Variants in STON1 observed in about 807,000 individuals in gnomAD.
STON1 encodes stonin-1.
A neutral mutation model predicts 60.9 loss-of-function variants in STON1; 79 were observed. The ratio of observed to expected loss-of-function variants is 1.30; its 90% confidence interval spans 1.08 to 1.56. STON1 has a LOEUF of 1.56. Ranked by LOEUF, STON1 falls within the 40% of genes most tolerant of loss-of-function variation. The pLI is 0.00. For synonymous variants in STON1, 363 were observed against 306.9 expected (o/e 1.18, Z -1.91); for missense variants, 1,166 against 858.9 (o/e 1.36, Z -4.47).
rs1558604575 is a variant in STON1, at chr2:48,564,472, T to TC, written c.-47-16114dup. ...TTCTTCTTCTTCTTCTTCTTCTTCT[T>TC]CTTCTTCTTTCTTCTTCTTCTTCTT... On this transcript the variant is annotated intron_variant, in intron 1 of 3. Coordinates refer to ENST00000404752, the MANE Select transcript of STON1 (RefSeq NM_006873.4). Among the ~76,000 whole-genome samples, 60 of 53,200 alleles carry TC rather than the reference T, an allele frequency of 1.1e-3. 3 individuals carry two copies. The highest frequency in any genetic ancestry group is 3.7e-3 in the African/African-American group (51 of 13,682). The allele number at this position is 53,200 out of a possible 152,430, so 34.9% of individuals were successfully genotyped here.
chr2:48,595,017 A>AAG (rs1674720088), intron 3 of STON1, among the ~76,000 whole-genome samples: 2 of 152,072 alleles, frequency 1.3e-5, no homozygotes, highest in Non-Finnish European at 1.5e-5. Flanking sequence ...TGAAGACTTG[A>AAG]CCCTGGCGGG....
chr2:48,575,991 T>A (rs1324272298), intron 1 of STON1, among the ~76,000 whole-genome samples: 1 of 151,330 alleles, frequency 6.6e-6, no homozygotes, highest in Non-Finnish European at 1.5e-5. Flanking sequence ...CTCCTGGTCT[T>A]AGGTGATCCA....
Position 48,580,344 on chromosome 2 carries a change from C to G in STON1, c.-47-243C>G, listed in dbSNP as rs554020404. Among the ~76,000 whole-genome samples the G allele has an allele frequency of 2.6e-5, 4 of 152,316 alleles. No homozygotes were observed. The South Asian group carries it at 8.3e-4, about 32-fold the overall frequency. On this transcript the variant is annotated intron_variant, in intron 1 of 3. Coordinates refer to ENST00000404752, the MANE Select transcript of STON1 (RefSeq NM_006873.4). ...GCTTAAGCATGGCTACTCCTGCTCT[C>G]TCTTGGATAACATTTGCATGGAATA... is the stretch of plus-strand genomic sequence containing the variant.
intron 1 of STON1, among the ~76,000 whole-genome samples, chr2:48,557,284 C>T (rs1375323672): frequency 1.3e-5 from 1 of 76,708 alleles, no homozygotes; most frequent in Non-Finnish European, 2.7e-5. Flanking sequence ...AGACGCTCCT[C>T]ACCTCCCAGA....
chr2:48,574,066 T>G (rs948442248), intron 1 of STON1, among the ~76,000 whole-genome samples: 1 of 152,070 alleles, frequency 6.6e-6, no homozygotes, highest in Non-Finnish European at 1.5e-5. Context: ...GGGTTTATTA[T>G]TGGGATGAAA....
chr2:48,591,517 T>A, intron 2 of STON1, 136 bp from the exon 3 acceptor site: 1 of 1,217,982 alleles, frequency 8.2e-7, no homozygotes, highest in Non-Finnish European at 1.1e-6. Flanking sequence ...CATGGTATGT[T>A]GTTTAAATGG....
At chr2:48,562,436 C>A (rs1248423008) in intron 1 of STON1, among the ~76,000 whole-genome samples, 1 of 152,204 alleles carries the variant, frequency 6.6e-6, no homozygotes, top group African/African-American at 2.4e-5. Context: ...GATTTGAACA[C>A]CCTGCCCATA....
chr2:48,534,653 A>G (rs1172903226), intron 1 of STON1, among the ~76,000 whole-genome samples: 1 of 152,118 alleles, frequency 6.6e-6, no homozygotes, highest in African/African-American at 2.4e-5. Flanking sequence ...GCATGGTTGC[A>G]CATGCCTGAG....
Position 48,532,116 on chromosome 2 carries a change from G to A in STON1, c.-48+1900G>A, listed in dbSNP as rs1671234671. Among the ~76,000 whole-genome samples the A allele has an allele frequency of 2.0e-5, 3 of 152,148 alleles. No individual in the cohort carries two copies. In the South Asian group the frequency reaches 6.2e-4, roughly 32 times the overall value. On this transcript the variant is annotated intron_variant, in intron 1 of 3. Coordinates refer to ENST00000404752, the MANE Select transcript of STON1 (RefSeq NM_006873.4). ...TAATCCCAGCATTTTGGGAGGCCGG[G>A]GCGGGCAGATCACTTGAGGTCAGGA...
chr2:48,564,474 TTC>T (rs1473621726), intron 1 of STON1, among the ~76,000 whole-genome samples: 6 of 51,302 alleles, frequency 1.2e-4, no homozygotes, highest in Middle Eastern at 7.5e-3. Context: ...CTTCTTCTTC[TTC>T]TTCTTTCTTC....
In STON1 at chr2:48,581,591, A is replaced by G; in HGVS notation, c.958A>G (p.Lys320Glu). 1 of 1,614,246 alleles carries G rather than the reference A, an allele frequency of 6.2e-7. No individual in the cohort carries two copies. The highest frequency in any genetic ancestry group is 8.5e-7 in the Non-Finnish European group (1 of 1,180,046). ...TGAACAGGGATTAGAAAAACCATTT[A>G]AAGAGATACAGCTTGATCCATATTG... ...YYEQGLEKPFKEIQLDPYCRL... is the reference protein window; with the variant it reads ...YYEQGLEKPFEEIQLDPYCRL... Residue 320 changes from lysine to glutamate, a missense_variant, in exon 2 of 4, where the codon AAA becomes GAA. Lys to Glu is a moderately conservative substitution (Grantham distance 56, BLOSUM62 1). Transcript: ENST00000404752.
intron 1 of STON1, among the ~76,000 whole-genome samples, chr2:48,550,896 G>T (rs1395376304): frequency 6.6e-6 from 1 of 151,938 alleles, no homozygotes; most frequent in Non-Finnish European, 1.5e-5. Context: ...AATTCAACTT[G>T]AGTCCTTTTT....
At chr2:48,564,400 G>A (rs1239579263) in intron 1 of STON1, among the ~76,000 whole-genome samples, 1 of 138,862 alleles carries the variant, frequency 7.2e-6, no homozygotes, top group Non-Finnish European at 1.6e-5. Context: ...AGTGGCAGTG[G>A]CGGTGTCTTC....
In STON1 at chr2:48,536,482, A is replaced by T. The variant is rs372901920; in HGVS notation, c.-48+6266A>T. Among the ~76,000 whole-genome samples, 29 of 141,500 alleles carry T rather than the reference A, an allele frequency of 2.0e-4. 1 individual carries two copies. The South Asian group carries it at 7.2e-3, about 35-fold the overall frequency. The allele number at this position is 141,500 out of a possible 152,430, so 92.8% of individuals were successfully genotyped here. A position where few individuals can be genotyped will look rare whatever the true frequency, so the allele number is the denominator to read the frequency against. ...AGAATAGCTTGAACCTGGGAGGCGG[A>T]GGTTGCAGTGAGCTGAGATCGTGCC... On this transcript the variant is annotated intron_variant, in intron 1 of 3. Transcript: ENST00000404752.
At chr2:48,563,144 G>A (rs1672677512) in intron 1 of STON1, among the ~76,000 whole-genome samples, 1 of 152,194 alleles carries the variant, frequency 6.6e-6, no homozygotes, top group South Asian at 2.1e-4. Flanking sequence ...TGGGCATCCT[G>A]CAGCATTGCA....
chr2:48,576,191 T>C (rs1484847527), intron 1 of STON1, among the ~76,000 whole-genome samples: 274 of 118,828 alleles, frequency 2.3e-3, no homozygotes, highest in Non-Finnish European at 3.8e-3. Context: ...CTTTCTTTTT[T>C]TTTTTTTTTT....
intron 1 of STON1, among the ~76,000 whole-genome samples, chr2:48,553,597 C>T (rs560025280): frequency 6.6e-6 from 1 of 152,232 alleles, no homozygotes; most frequent in East Asian, 1.9e-4. Context: ...AAGCGATTCT[C>T]CTGCCTCAGC....
intron 1 of STON1, among the ~76,000 whole-genome samples, chr2:48,575,047 G>A (rs1026662900): frequency 2.6e-5 from 4 of 152,188 alleles, no homozygotes; most frequent in African/African-American, 9.6e-5. Flanking sequence ...CCTGGCAAAT[G>A]CCATTTTACT....
intron 1 of STON1, among the ~76,000 whole-genome samples, chr2:48,544,434 G>T (rs1380169844): frequency 6.6e-6 from 1 of 152,168 alleles, no homozygotes; most frequent in African/African-American, 2.4e-5. Flanking sequence ...TGACACATTG[G>T]CCTCTGTTTA....
Sources: allele counts gnomAD v4.1 joint callset (sites outside exome capture counted in the v4.1 genomes callset), GRCh38; gene constraint gnomAD v4.1.1; transcripts MANE v1.5; gene names NCBI Gene and HGNC (gene_info 2026-07-23, HGNC 2026-07-21).